KHDC4: variants seen among roughly 807,000 people sequenced by gnomAD.
The protein encoded by KHDC4 is KH domain containing 4, pre-mRNA splicing factor.
Under a neutral mutation model 74.5 loss-of-function variants are expected in KHDC4, and 19 were observed. The ratio of observed to expected loss-of-function variants is 0.26; its 90% CI spans 0.18 to 0.37. KHDC4 has a LOEUF of 0.37. KHDC4 is among the 10% of genes least tolerant of loss of function. The pLI is 1.00. For synonymous variants in KHDC4, 253 were observed against 266.1 expected (o/e 0.95, Z 0.48); for missense variants, 632 against 754.1 (o/e 0.84, Z 1.90).
chr1:155,929,708 T>C lies in KHDC4; in HGVS notation c.384+4A>G. On this transcript the variant is annotated splice_donor_region_variant and intron_variant, in intron 3 of 13. Transcript: ENST00000368321. ...CTCCCCAAAGAGTCTCAATGCCTCC[T>C]CACCTCGTCTTGAGTCTGTCCTCGA... 1 of 1,608,670 alleles carries C rather than the reference T, an allele frequency of 6.2e-7. No homozygotes were observed. The highest frequency in any genetic ancestry group is 8.5e-7 in the Non-Finnish European group (1 of 1,178,418).
intron 13 of KHDC4, 70 bp downstream of exon 13, chr1:155,915,803 G>A (rs776967345): frequency 2.6e-5 from 27 of 1,036,838 alleles, no homozygotes; most frequent in African/African-American, 8.4e-5. Flanking sequence ...CACTGCGCCC[G>A]GCTGAGAAAA....
intron 4 of KHDC4, among the ~76,000 whole-genome samples, chr1:155,928,009 AAGT>A (rs1299782594): frequency 2.0e-5 from 3 of 152,120 alleles, no homozygotes; most frequent in African/African-American, 4.8e-5. Flanking sequence ...AGTTAATAAA[AAGT>A]AGCAGGTAAA....
chr1:155,930,356 G>A (rs2102609162), intron 2 of KHDC4, among the ~76,000 whole-genome samples: 1 of 152,220 alleles, frequency 6.6e-6, no homozygotes, highest in South Asian at 2.1e-4. Context: ...TCACTAAAAT[G>A]ACATTAAATA....
intron 13 of KHDC4, chr1:155,915,321 A>G (rs4661220): frequency 0.86 from 131,492 of 152,142 alleles, 57,530 homozygotes; most frequent in East Asian, 1. Flanking sequence ...GGGTTTCACC[A>G]TGTTAGCCAC....
chr1:155,925,910 A>T, intron 6 of KHDC4, 67 bp from the exon 7 acceptor site: 1 of 1,294,762 alleles, frequency 7.7e-7, no homozygotes. Flanking sequence ...CTTTGAAATA[A>T]GTCAATAAGA....
Position 155,929,796 on chromosome 1 carries a change from A to C in KHDC4, c.300T>G (p.Asp100Glu). 6.2e-7 allele frequency: 1 copy of C among 1,611,368 alleles called. No individual in the cohort carries two copies. Among genetic ancestry groups the C allele is most frequent in the South Asian group, 1.1e-5 (1 of 90,632 alleles). The change falls in exon 3 of 14, where the codon GAT becomes GAG. Residue 100 changes from aspartate (D) to glutamate (E), a missense_variant. By Grantham distance (45) the Asp-to-Glu change is conservative (BLOSUM62 2). Transcript: ENST00000368321. ...TTTCTACTTCAGCTACCACCAGGTC[A>C]TCCTTGCTTTTATTGCTAGTTAGGC... is the stretch of plus-strand genomic sequence containing the variant. ...GKGLTSNKSK[D>E]DLVVAEVEIN...
At chr1:155,922,129 T>A in intron 8 of KHDC4, 1 of 344,294 alleles carries the variant, frequency 2.9e-6, no homozygotes, top group Non-Finnish European at 5.4e-6. Flanking sequence ...TGGCGCGATC[T>A]TGTATCACTG....
At chr1:155,916,221 T>TAA (rs932538841) in intron 12 of KHDC4, among the ~76,000 whole-genome samples, 2 of 152,096 alleles carry the variant, frequency 1.3e-5, no homozygotes, top group Non-Finnish European at 2.9e-5. Context: ...TATACTAATA[T>TAA]AAGAAAGGAA....
At chr1:155,918,133 T>C (rs1206038328) in intron 10 of KHDC4, among the ~76,000 whole-genome samples, 1 of 152,164 alleles carries the variant, frequency 6.6e-6, no homozygotes, top group Non-Finnish European at 1.5e-5. Context: ...CAAAAAGGAA[T>C]AAGGGGTATC....
At chr1:155,923,864 C>G (rs45508995) in intron 7 of KHDC4, among the ~76,000 whole-genome samples, 177 bp from the exon 8 acceptor site, 226 of 152,282 alleles carry the variant, frequency 1.5e-3, no homozygotes, top group Non-Finnish European at 2.5e-3. Context: ...TAAGATATAA[C>G]CACTATCATT....
rs552453345 is a variant in KHDC4, at chr1:155,916,606, C to T, written c.1553+19G>A. ...AACAAATAACATCTGAATACATTTGCATAATTATTCCAACTTACCTGTCCC... is the reference window on the plus strand; with the variant it reads ...AACAAATAACATCTGAATACATTTGTATAATTATTCCAACTTACCTGTCCC... On this transcript the variant is annotated intron_variant, in intron 12 of 13. Coordinates refer to ENST00000368321, the MANE Select transcript of KHDC4 (RefSeq NM_014949.4). 9.9e-6 allele frequency: 15 copies of T among 1,514,694 alleles called. No homozygotes were observed. Among genetic ancestry groups the T allele is most frequent in the East Asian group, 2.3e-5 (1 of 44,372 alleles). The allele number at this position is 1,514,694 out of a possible 1,614,324, so 93.8% of individuals were successfully genotyped here.
chr1:155,915,747 T>C (rs1009317879), intron 13 of KHDC4, 126 bp downstream of exon 13: 8 of 598,954 alleles, frequency 1.3e-5, no homozygotes, highest in African/African-American at 5.8e-5. Flanking sequence ...CCTTAGGTGA[T>C]CTGCCCACCT....
chr1:155,929,843 A>G lies in KHDC4; in HGVS notation c.256-3T>C, dbSNP rs772964591. On this transcript the variant is annotated splice_polypyrimidine_tract_variant and splice_region_variant and intron_variant, in intron 2 of 13. Coordinates refer to ENST00000368321, the MANE Select transcript of KHDC4 (RefSeq NM_014949.4). ...AGGCCTTTGCCAGGAGCCTGAAGCTAGAAAAAAGAGAAATTAGATTAAAAA... is the reference window on the plus strand; with the variant it reads ...AGGCCTTTGCCAGGAGCCTGAAGCTGGAAAAAAGAGAAATTAGATTAAAAA... 1 of 1,556,540 alleles carries G rather than the reference A, an allele frequency of 6.4e-7. No individual in the cohort carries two copies. The highest frequency in any genetic ancestry group is 8.6e-7 in the Non-Finnish European group (1 of 1,156,586).
At chr1:155,927,832 CCACACACACA>C (rs199711249) in intron 4 of KHDC4, among the ~76,000 whole-genome samples, 1,172 of 90,910 alleles carry the variant, frequency 0.013, 42 homozygotes, top group African/African-American at 0.053. Flanking sequence ...AAAAAAAAAA[CCACACACACA>C]CACACACACA....
In KHDC4 at chr1:155,929,292, G is replaced by A. The variant is rs755276632; in HGVS notation, c.464+4C>T. ...TTCCATAAACAAGATAAGAGAATAC[G>A]CACCCTGGTCCCACTTTGGCTTTTT... On this transcript the variant is annotated splice_donor_region_variant and intron_variant, in intron 4 of 13. Coordinates refer to ENST00000368321, the MANE Select transcript of KHDC4 (RefSeq NM_014949.4). 5.6e-6 allele frequency: 9 copies of A among 1,605,830 alleles called. No homozygotes were observed. The highest frequency in any genetic ancestry group is 2.7e-5 in the African/African-American group (2 of 74,810).
chr1:155,932,038 T>G (rs1170816227), intron 2 of KHDC4, among the ~76,000 whole-genome samples: 1 of 152,218 alleles, frequency 6.6e-6, no homozygotes, highest in Non-Finnish European at 1.5e-5. Flanking sequence ...AAGGTCTAAA[T>G]TTTAAATTGT....
intron 7 of KHDC4, 64 bp downstream of exon 7, chr1:155,925,568 T>C: frequency 7.7e-7 from 1 of 1,306,326 alleles, no homozygotes; most frequent in South Asian, 1.2e-5. Context: ...TCCTTCTGAA[T>C]CACTCCTGAC....
At chr1:155,934,302 G>A (rs1472165843) in intron 1 of KHDC4, 34 bp downstream of exon 1, 2 of 1,603,624 alleles carry the variant, frequency 1.2e-6, no homozygotes, top group South Asian at 1.1e-5. Flanking sequence ...GCGCCCCAGT[G>A]CTCGCTCCGA....
At position 155,916,652 on chromosome 1, in the gene KHDC4, G is replaced by T. The variant is rs746397111; in HGVS notation, c.1526C>A (p.Ser509Tyr). ...GTCCCTCTCTCTCTCTTTGCCTGAG[G>T]AACTTGCTGGCTTCGATCCTGCACC... ...IEGAGSKPAS[S>Y]SGKERERDRQ... The change falls in exon 12 of 14, where the codon TCC becomes TAC. Residue 509 changes from serine to tyrosine, a missense_variant. Transcript: ENST00000368321. 2 of 1,613,238 alleles carry T rather than the reference G, an allele frequency of 1.2e-6. No homozygotes were observed. The highest frequency in any genetic ancestry group is 4.5e-5 in the East Asian group (2 of 44,866).
Sources: allele counts gnomAD v4.1 joint callset (sites outside exome capture counted in the v4.1 genomes callset), GRCh38; gene constraint gnomAD v4.1.1; transcripts MANE v1.5; gene names NCBI Gene and HGNC (gene_info 2026-07-23, HGNC 2026-07-21).